Variants in EDNRA observed in about 807,000 individuals in gnomAD.
The protein encoded by EDNRA is endothelin receptor type A, also known as endothelin-1 receptor.
EDNRA carries 11 observed loss-of-function variants against 41.4 expected under a neutral mutation model. That is an observed-to-expected ratio of 0.27 (90% CI 0.17 to 0.44). The LOEUF is 0.44. Among genes scored for constraint, EDNRA ranks in the 20% least tolerant of loss-of-function variants. EDNRA has a pLI of 1.00. For missense variants in EDNRA, 294 were observed against 531.0 expected (o/e 0.55, Z 4.39); for synonymous variants, 172 against 183.0 (o/e 0.94, Z 0.49).
chr4:147,504,790 A>T (rs1729630592), intron 2 of EDNRA, among the ~76,000 whole-genome samples: 1 of 151,096 alleles, frequency 6.6e-6, no homozygotes, highest in Non-Finnish European at 1.5e-5. Flanking sequence ...CTCCATCTCT[A>T]CAAAAAAAAA....
At position 147,516,582 on chromosome 4, in the gene EDNRA, T is replaced by C. The variant is rs1441942031; in HGVS notation, c.421-3269T>C. 3.3e-5 allele frequency among the ~76,000 whole-genome samples: 5 copies of C among 152,192 alleles called. No individual in the cohort carries two copies. In the East Asian group the frequency reaches 9.6e-4, roughly 29 times the overall value. On this transcript the variant is annotated intron_variant, in intron 2 of 7. Coordinates refer to ENST00000651419, the MANE Select transcript of EDNRA (RefSeq NM_001957.4). ...GTGTAATGTCCTTGGAAATTATAAATATGAGGGTGGCAAATTATAAATATT... is the reference window on the plus strand; with the variant it reads ...GTGTAATGTCCTTGGAAATTATAAACATGAGGGTGGCAAATTATAAATATT...
At chr4:147,533,307 C>T (rs1730815613) in intron 4 of EDNRA, among the ~76,000 whole-genome samples, 1 of 151,932 alleles carries the variant, frequency 6.6e-6, no homozygotes, top group African/African-American at 2.4e-5. Flanking sequence ...TTTTAGTACA[C>T]CTGACCATAT....
chr4:147,523,855 G>C (rs1444436252), intron 3 of EDNRA, among the ~76,000 whole-genome samples: 1 of 152,116 alleles, frequency 6.6e-6, no homozygotes, highest in African/African-American at 2.4e-5. Flanking sequence ...ATTCCAAAGA[G>C]AGGAAAGTAT....
intron 2 of EDNRA, among the ~76,000 whole-genome samples, chr4:147,502,872 T>A (rs1298228331): frequency 6.6e-6 from 1 of 152,210 alleles, no homozygotes; most frequent in African/African-American, 2.4e-5. Flanking sequence ...ATTGCTGAAA[T>A]ACTTTATATT....
At chr4:147,499,548 G>T (rs1271631878) in intron 2 of EDNRA, among the ~76,000 whole-genome samples, 1 of 152,160 alleles carries the variant, frequency 6.6e-6, no homozygotes, top group African/African-American at 2.4e-5. Flanking sequence ...CTCATGAGAG[G>T]TCTTGGCAAC....
At chr4:147,503,463 T>C (rs1371902923) in intron 2 of EDNRA, among the ~76,000 whole-genome samples, 1 of 152,094 alleles carries the variant, frequency 6.6e-6, no homozygotes, top group African/African-American at 2.4e-5. Context: ...TTCCCATGTG[T>C]AGAAACAAAT....
intron 2 of EDNRA, chr4:147,489,935 T>C (rs898011166): frequency 6.6e-6 from 1 of 152,048 alleles, no homozygotes; most frequent in African/African-American, 2.4e-5. Context: ...ATGGCTCAGC[T>C]CTGTCAAAAT....
In EDNRA at chr4:147,486,218, A is replaced by G; in HGVS notation, c.420+117A>G. The G allele has an allele frequency of 2.3e-5, 26 of 1,134,490 alleles. No individual in the cohort carries two copies. The highest frequency in any genetic ancestry group is 2.9e-5 in the Non-Finnish European group (24 of 816,502). 70.3% of individuals were successfully genotyped at this position (1,134,490 alleles called of 1,614,324 possible). ...TTTATCTGTGTTTTTACTGAGAGCTATTTCTGCTGTCTTCTAACTACTAGT... is the reference window on the plus strand; with the variant it reads ...TTTATCTGTGTTTTTACTGAGAGCTGTTTCTGCTGTCTTCTAACTACTAGT... On this transcript the variant is annotated intron_variant, in intron 2 of 7. Coordinates refer to ENST00000651419, the MANE Select transcript of EDNRA (RefSeq NM_001957.4). This position sits in a 1 kb window ranked among gnomAD's most constrained non-coding sequence, Gnocchi z 4.3.
chr4:147,536,747 G>T (rs915984513), intron 5 of EDNRA, among the ~76,000 whole-genome samples: 1 of 152,240 alleles, frequency 6.6e-6, no homozygotes, highest in African/African-American at 2.4e-5. Context: ...CAAAGTTCTA[G>T]AAGGAATTTG....
At chr4:147,506,050 C>G (rs1729704089) in intron 2 of EDNRA, 6 of 475,808 alleles carry the variant, frequency 1.3e-5, no homozygotes, top group Non-Finnish European at 2.5e-5. Flanking sequence ...ATGCAAAAAC[C>G]TGTACATTGC....
At chr4:147,514,475 T>C (rs1377170471) in intron 2 of EDNRA, among the ~76,000 whole-genome samples, 1 of 152,136 alleles carries the variant, frequency 6.6e-6, no homozygotes, top group Non-Finnish European at 1.5e-5. Flanking sequence ...TTTTTCTTTT[T>C]CTTTTTTGTT....
intron 2 of EDNRA, chr4:147,506,269 C>T: frequency 4.2e-6 from 2 of 481,178 alleles, no homozygotes; most frequent in South Asian, 3.2e-5. Context: ...AAAGAACATC[C>T]ATTTGTCTTG....
intron 2 of EDNRA, among the ~76,000 whole-genome samples, chr4:147,517,874 G>A (rs1404807446): frequency 1.3e-5 from 2 of 152,200 alleles, no homozygotes; most frequent in Admixed American, 6.5e-5. Context: ...GAGAATCCAT[G>A]TTCATTTGTG....
In EDNRA at chr4:147,532,699, A is replaced by T. The variant is rs200425226; in HGVS notation, c.742A>T (p.Met248Leu). Reference sequence around the variant, plus strand: ...TATGCTCAATGCCACATCAAAATTCATGGAGGTACTAAACGTTTAAAAGGA... The same window carrying T: ...TATGCTCAATGCCACATCAAAATTCTTGGAGGTACTAAACGTTTAAAAGGA... ...TCMLNATSKF[M>L]EFYQDVKDWW... The change falls in exon 4 of 8, where the codon ATG (methionine) becomes TTG (leucine). Residue 248 changes from methionine (M) to leucine (L), a missense_variant. Transcript: ENST00000651419. 1 of 1,614,106 alleles carries T rather than the reference A, an allele frequency of 6.2e-7. No individual in the cohort carries two copies. Among genetic ancestry groups the T allele is most frequent in the Non-Finnish European group, 8.5e-7 (1 of 1,180,016 alleles).
chr4:147,504,800 A>AG (rs1427165688), intron 2 of EDNRA, among the ~76,000 whole-genome samples: 1 of 151,800 alleles, frequency 6.6e-6, no homozygotes, highest in East Asian at 1.9e-4. Context: ...ACAAAAAAAA[A>AG]TACAAAAGTT....
chr4:147,495,033 T>A (rs921267475), intron 2 of EDNRA: 4 of 152,188 alleles, frequency 2.6e-5, no homozygotes, highest in African/African-American at 9.7e-5. Context: ...TACTAATATA[T>A]AACATGAGAA....
chr4:147,530,088 C>T (rs990170236), intron 3 of EDNRA, among the ~76,000 whole-genome samples: 3 of 152,084 alleles, frequency 2.0e-5, no homozygotes, highest in East Asian at 3.9e-4. Context: ...GAACTCATGG[C>T]GCTTTATAAA....
intron 3 of EDNRA, among the ~76,000 whole-genome samples, chr4:147,532,165 A>T (rs1410924586): frequency 7.0e-6 from 1 of 143,262 alleles, no homozygotes; most frequent in Non-Finnish European, 1.5e-5. Flanking sequence ...AAAAAAAAAA[A>T]AATACAAAAA....
chr4:147,488,050 A>G (rs1258903211), intron 2 of EDNRA: 1 of 152,236 alleles, frequency 6.6e-6, no homozygotes, highest in Non-Finnish European at 1.5e-5. Flanking sequence ...CAGAGTGTGG[A>G]GTATCAAACA....
Sources: gnomAD v4.1 joint callset for allele counts (sites outside exome capture counted in the v4.1 genomes callset) on GRCh38, gnomAD v4.1.1 for gene constraint, Gnocchi (gnomAD v3.1) non-coding constraint, MANE v1.5 for transcripts, NCBI Gene and HGNC (gene_info 2026-07-23, HGNC 2026-07-21) for gene names.